The following COIL variants were observed in gnomAD, a reference collection of about 807,000 sequenced individuals.
COIL encodes coilin.
COIL carries 28 observed loss-of-function variants against 51.6 expected under a neutral mutation model. That is an observed-to-expected ratio of 0.54 (90% CI 0.40 to 0.74). COIL has a LOEUF of 0.74. COIL is among the 30% of genes least tolerant of loss of function. The pLI, the probability that COIL is intolerant of heterozygous loss-of-function variation, is 0.00. For missense variants in COIL, 667 were observed against 685.9 expected, an observed-to-expected ratio of 0.97 and a Z score of 0.31; for synonymous variants, 233 against 255.8, an observed-to-expected ratio of 0.91 and a Z score of 0.85.
Position 56,950,551 on chromosome 17 carries a change from T to C in COIL, c.691A>G (p.Lys231Glu), listed in dbSNP as rs777085274. ...CAAACGCTTACACTACCTTTCCTTT[T>C]GGCTTTAACAAGGCTGTTTCTAGCA... ...GSARNSLVKA[K>E]RKGSVSVCSK... is the part of the protein sequence containing the mutation. Residue 231 changes from lysine to glutamate, a missense_variant, in exon 2 of 7, where the codon AAA becomes GAA. Physicochemically the swap from Lys to Glu is moderately conservative, Grantham distance 56. Coordinates refer to ENST00000240316, the MANE Select transcript of COIL (RefSeq NM_004645.3). 6.2e-7 allele frequency: 1 copy of C among 1,614,236 alleles called. No homozygotes were observed. Among genetic ancestry groups the C allele is most frequent in the Non-Finnish European group, 8.5e-7 (1 of 1,180,032 alleles).
chr17:56,948,350 A>G, intron 4 of COIL, among the ~76,000 whole-genome samples: 1 of 151,790 alleles, frequency 6.6e-6, no homozygotes, highest in East Asian at 1.9e-4. Flanking sequence ...TGTGTTAGCC[A>G]GGATGGTCTC....
At chr17:56,952,227 T>G (rs1439260624) in intron 1 of COIL, 1 of 500,818 alleles carries the variant, frequency 2.0e-6, no homozygotes, top group Non-Finnish European at 4.0e-6. Context: ...TAAACAAGTA[T>G]GGAATAATCA....
At chr17:56,941,467 G>A (rs1910146550) in intron 6 of COIL, among the ~76,000 whole-genome samples, 1 of 152,204 alleles carries the variant, frequency 6.6e-6, no homozygotes. Context: ...CTACTCCAGA[G>A]GCTGAGGCAT....
intron 4 of COIL, among the ~76,000 whole-genome samples, chr17:56,946,817 T>C (rs1910257806): frequency 6.6e-6 from 1 of 152,096 alleles, no homozygotes; most frequent in South Asian, 2.1e-4. Context: ...GAACCAAAAG[T>C]GACTGAATAA....
At chr17:56,953,202 G>C (rs561072328) in intron 1 of COIL, among the ~76,000 whole-genome samples, 76 of 151,890 alleles carry the variant, frequency 5.0e-4, no homozygotes, top group African/African-American at 1.7e-3. Context: ...ACAAGGTCAG[G>C]AGATCGAGAC....
In COIL at chr17:56,949,389, T is replaced by C; in HGVS notation, c.1486A>G (p.Lys496Glu). Residue 496 changes from lysine (K) to glutamate (E), a missense_variant and splice_region_variant, in exon 4 of 7, where the codon AAG becomes GAG. Coordinates refer to ENST00000240316, the MANE Select transcript of COIL (RefSeq NM_004645.3). ...SSYSPDVSDY[K>E]EGRILSHNPE... ...TACTTTTAAATAAACATCCTTACCTTGTAGTCAGAGACATCAGGAGAGTAA... is the reference window on the plus strand; with the variant it reads ...TACTTTTAAATAAACATCCTTACCTCGTAGTCAGAGACATCAGGAGAGTAA... 6.3e-7 allele frequency: 1 copy of C among 1,590,160 alleles called. No homozygotes were observed.
chr17:56,946,598 G>T, intron 4 of COIL, 87 bp from the exon 5 acceptor site: 1 of 793,328 alleles, frequency 1.3e-6, no homozygotes, highest in Non-Finnish European at 2.0e-6. Context: ...CTTTAAAATG[G>T]TTAAAATGTT....
chr17:56,943,053 TTTTCTC>T (rs1050123689), intron 5 of COIL, among the ~76,000 whole-genome samples: 1 of 152,172 alleles, frequency 6.6e-6, no homozygotes, highest in African/African-American at 2.4e-5. Flanking sequence ...CTAACTTTCT[TTTTCTC>T]TTTCCTTCTA....
intron 5 of COIL, 120 bp downstream of exon 5, chr17:56,946,322 G>C: frequency 1.6e-6 from 1 of 636,996 alleles, no homozygotes; most frequent in Non-Finnish European, 2.7e-6. Context: ...TGTGCTGAAA[G>C]AAGTGGGGAG....
intron 5 of COIL, among the ~76,000 whole-genome samples, chr17:56,945,617 T>C (rs1910233356): frequency 6.6e-6 from 1 of 152,258 alleles, no homozygotes; most frequent in Non-Finnish European, 1.5e-5. Context: ...TCTTTTGAAA[T>C]AGAGCTGAGT....
At chr17:56,942,236 T>A in intron 5 of COIL, 113 bp from the exon 6 acceptor site, 1 of 833,224 alleles carries the variant, frequency 1.2e-6, no homozygotes. Flanking sequence ...AACTGTCAAT[T>A]AATGTGAAGG....
chr17:56,951,239 C>T (rs905370358), intron 1 of COIL, among the ~76,000 whole-genome samples: 10 of 152,306 alleles, frequency 6.6e-5, no homozygotes, highest in South Asian at 2.1e-4. Flanking sequence ...ATTTTTAATA[C>T]GTTTTTCTCT....
Position 56,950,803 on chromosome 17 carries a change from C to T in COIL, c.439G>A (p.Asp147Asn). Residue 147 changes from aspartate to asparagine, a missense_variant, in exon 2 of 7, where the codon GAT (aspartate) becomes AAT (asparagine). Asp to Asn is a conservative substitution (Grantham distance 23, BLOSUM62 1). Coordinates refer to ENST00000240316, the MANE Select transcript of COIL (RefSeq NM_004645.3). ...ENNNNNEKVLDLEPKAVTDQT... is the reference protein window; with the variant it reads ...ENNNNNEKVLNLEPKAVTDQT... ...TCTGTGACAGCTTTTGGTTCCAGAT[C>T]CAAGACCTTCTCATTATTGTTATTG... 1 of 1,613,916 alleles carries T rather than the reference C, an allele frequency of 6.2e-7. No individual in the cohort carries two copies. Among genetic ancestry groups the T allele is most frequent in the East Asian group, 2.2e-5 (1 of 44,882 alleles).
Position 56,949,983 on chromosome 17 carries a change from C to T in COIL, c.1259G>A (p.Gly420Glu). The T allele has an allele frequency of 6.2e-7, 1 of 1,614,094 alleles. No homozygotes were observed. Among genetic ancestry groups the T allele is most frequent in the Non-Finnish European group, 8.5e-7 (1 of 1,180,008 alleles). The change falls in exon 2 of 7, where the codon GGG (glycine) becomes GAG (glutamate). Residue 420 changes from glycine (G) to glutamate (E), a missense_variant. Coordinates refer to ENST00000240316, the MANE Select transcript of COIL (RefSeq NM_004645.3). ...ATTTACAACACAGGAAACAGGATGCCCTCGTCCTCGACCTCTCCCCCGCAT... is the reference window on the plus strand; with the variant it reads ...ATTTACAACACAGGAAACAGGATGCTCTCGTCCTCGACCTCTCCCCCGCAT... ...RGMRGRGRGR[G>E]HPVSCVVNRS...
intron 5 of COIL, among the ~76,000 whole-genome samples, chr17:56,945,559 C>G (rs1292086474): frequency 2.0e-5 from 3 of 152,166 alleles, no homozygotes; most frequent in East Asian, 1.9e-4. Flanking sequence ...ACACACACTT[C>G]AGACATTTTG....
intron 1 of COIL, among the ~76,000 whole-genome samples, chr17:56,957,573 G>C (rs1410382929): frequency 6.6e-6 from 1 of 151,912 alleles, no homozygotes; most frequent in East Asian, 1.9e-4. Context: ...AGTGAGCCAA[G>C]ATCGTGCCAC....
intron 4 of COIL, among the ~76,000 whole-genome samples, chr17:56,948,501 T>C (rs1472830999): frequency 6.6e-6 from 1 of 152,050 alleles, no homozygotes; most frequent in Non-Finnish European, 1.5e-5. Context: ...TTAAATCAAA[T>C]TCCCTTGTAT....
intron 1 of COIL, among the ~76,000 whole-genome samples, chr17:56,953,213 C>T (rs937327700): frequency 3.3e-5 from 5 of 151,760 alleles, no homozygotes; most frequent in Non-Finnish European, 5.9e-5. Flanking sequence ...AGATCGAGAC[C>T]ATCCTGGCTA....
chr17:56,938,441 AT>A lies in COIL; in HGVS notation c.*629del, dbSNP rs1226505267. On this transcript the variant is annotated 3_prime_UTR_variant, in exon 7 of 7. Coordinates refer to ENST00000240316, the MANE Select transcript of COIL (RefSeq NM_004645.3). ...ATCCTCTCACTGAAGTGAAACACCA[AT>A]TCTCCAGGCATACACACACATACGC... 3 of 152,232 alleles carry A rather than the reference AT, an allele frequency of 2.0e-5. No individual in the cohort carries two copies. Among genetic ancestry groups the A allele is most frequent in the African/African-American group, 7.2e-5 (3 of 41,452 alleles). The allele number at this position is 152,232 out of a possible 1,614,324, so 9.4% of individuals were successfully genotyped here.
Sources: gnomAD v4.1 joint callset for allele counts (sites outside exome capture counted in the v4.1 genomes callset) on GRCh38, gnomAD v4.1.1 for gene constraint, MANE v1.5 for transcripts, NCBI Gene and HGNC (gene_info 2026-07-23, HGNC 2026-07-21) for gene names.